Variants in TPST1 observed in about 807,000 individuals in gnomAD.
TPST1 encodes tyrosylprotein sulfotransferase 1, also known as protein-tyrosine sulfotransferase 1.
A neutral mutation model predicts 34.8 loss-of-function variants in TPST1; 20 were observed. That is an observed-to-expected ratio of 0.57 (90% CI 0.40 to 0.84). The LOEUF (loss-of-function observed/expected upper bound fraction) is 0.84. Ranked by LOEUF, TPST1 falls within the 40% of genes least tolerant of loss-of-function variation. TPST1 has a pLI of 0.00. For missense variants in TPST1, 353 were observed against 455.5 expected, an observed-to-expected ratio of 0.78 and a Z score of 2.05; for synonymous variants, 152 against 159.4, an observed-to-expected ratio of 0.95 and a Z score of 0.35.
chr7:66,232,964 G>A (rs1789829759), intron 1 of TPST1, among the ~76,000 whole-genome samples: 1 of 152,134 alleles, frequency 6.6e-6, no homozygotes, highest in South Asian at 2.1e-4. Context: ...TGATGATGTG[G>A]AGCATCTTTT....
chr7:66,222,710 A>C (rs1789570009), intron 1 of TPST1, among the ~76,000 whole-genome samples: 1 of 152,062 alleles, frequency 6.6e-6, no homozygotes. Flanking sequence ...ATGGGGAATG[A>C]TTCTCAGGGG....
At chr7:66,356,387 A>T (rs1189852135) in intron 4 of TPST1, among the ~76,000 whole-genome samples, 1 of 152,172 alleles carries the variant, frequency 6.6e-6, no homozygotes, top group Non-Finnish European at 1.5e-5. Context: ...TTCCACACCC[A>T]GCATTTTTAT....
chr7:66,231,323 A>T (rs1308831889), intron 1 of TPST1, among the ~76,000 whole-genome samples: 1 of 152,232 alleles, frequency 6.6e-6, no homozygotes, highest in Admixed American at 6.5e-5. Flanking sequence ...CCGGGGCTGC[A>T]TGTGGAGCTG....
intron 3 of TPST1, among the ~76,000 whole-genome samples, chr7:66,350,001 G>T (rs1424203171): frequency 6.6e-6 from 1 of 152,026 alleles, no homozygotes; most frequent in African/African-American, 2.4e-5. Flanking sequence ...CCAAGCTGTG[G>T]TGTCAGGGTA....
At chr7:66,237,937 G>GT (rs1156542546) in intron 1 of TPST1, among the ~76,000 whole-genome samples, 1 of 152,120 alleles carries the variant, frequency 6.6e-6, no homozygotes, top group Non-Finnish European at 1.5e-5. Context: ...TTTTATTTCT[G>GT]TAACTGTTAC....
chr7:66,358,550 CAG>C (rs1307634651), intron 5 of TPST1, among the ~76,000 whole-genome samples: 2 of 152,030 alleles, frequency 1.3e-5, no homozygotes, highest in African/African-American at 4.8e-5. Context: ...AGTGAGAAAA[CAG>C]GTTGAATGTG....
At chr7:66,313,570 G>A (rs1468265652) in intron 3 of TPST1, among the ~76,000 whole-genome samples, 1 of 152,136 alleles carries the variant, frequency 6.6e-6, no homozygotes, top group Non-Finnish European at 1.5e-5. Flanking sequence ...GGACCTCTAT[G>A]TCTTGATGCA....
At chr7:66,281,836 C>T (rs961766201) in intron 2 of TPST1, among the ~76,000 whole-genome samples, 2 of 152,158 alleles carry the variant, frequency 1.3e-5, no homozygotes, top group Non-Finnish European at 2.9e-5. Flanking sequence ...AACTGAGTCT[C>T]GTGGAAGATC....
intron 3 of TPST1, among the ~76,000 whole-genome samples, chr7:66,322,906 C>G (rs1562844306): frequency 6.6e-6 from 1 of 151,750 alleles, no homozygotes; most frequent in African/African-American, 2.4e-5. Flanking sequence ...CTCACCAACA[C>G]TTGTTATTTT....
intron 3 of TPST1, among the ~76,000 whole-genome samples, chr7:66,350,261 C>T (rs375484776): frequency 4.6e-4 from 70 of 152,186 alleles, no homozygotes; most frequent in African/African-American, 1.5e-3. Context: ...GTGATCTGCC[C>T]GCCTTCGCCT....
upstream of TPST1, among the ~76,000 whole-genome samples, chr7:66,202,688 C>T (rs1416244459): frequency 6.6e-6 from 1 of 152,240 alleles, no homozygotes; most frequent in Non-Finnish European, 1.5e-5. Context: ...TGTAACTTGG[C>T]CCTTGCTTAA....
rs544906741 is a variant in TPST1 at position 66,309,910 on chromosome 7, A to T, written c.1044+23201A>T. 1.1e-4 allele frequency among the ~76,000 whole-genome samples: 16 copies of T among 149,482 alleles called. 1 individual carries two copies. Among genetic ancestry groups the T allele is most frequent in the African/African-American group, 2.9e-4 (12 of 40,708 alleles). On this transcript the variant is annotated intron_variant, in intron 3 of 5. Coordinates refer to ENST00000304842, the MANE Select transcript of TPST1 (RefSeq NM_003596.4). ...TGCATGGGAGTTATACAATTCTTTTAAAAAAAAAACTCAAATGGCTAGATG... is the reference window on the plus strand; with the variant it reads ...TGCATGGGAGTTATACAATTCTTTTTAAAAAAAAACTCAAATGGCTAGATG...
intron 2 of TPST1, among the ~76,000 whole-genome samples, chr7:66,277,672 G>A (rs188561949): frequency 1.3e-5 from 2 of 152,182 alleles, no homozygotes; most frequent in Admixed American, 1.3e-4. Context: ...ACTATTCTGT[G>A]ATTACTCAGA....
At chr7:66,258,139 G>GTT (rs550525450) in intron 2 of TPST1, among the ~76,000 whole-genome samples, 1 of 150,118 alleles carries the variant, frequency 6.7e-6, no homozygotes, top group Non-Finnish European at 1.5e-5. Flanking sequence ...CTCTATGTCT[G>GTT]TTTTTTTTTA....
intron 3 of TPST1, among the ~76,000 whole-genome samples, chr7:66,316,267 CTT>C (rs1259971679): frequency 3.3e-5 from 5 of 151,996 alleles, no homozygotes; most frequent in African/African-American, 1.2e-4. Flanking sequence ...TCCTTTCTGA[CTT>C]AAATATAATA....
At chr7:66,227,607 T>C (rs1228649050) in intron 1 of TPST1, among the ~76,000 whole-genome samples, 1 of 141,032 alleles carries the variant, frequency 7.1e-6, no homozygotes, top group African/African-American at 2.5e-5. Context: ...GAATAGACTC[T>C]AATGGGCAGC....
At chr7:66,347,613 C>T (rs1248888807) in intron 3 of TPST1, among the ~76,000 whole-genome samples, 2 of 152,172 alleles carry the variant, frequency 1.3e-5, no homozygotes, top group South Asian at 2.1e-4. Context: ...GGTAATGTTA[C>T]TCCACCAGTA....
At chr7:66,326,757 T>G (rs1037695829) in intron 3 of TPST1, among the ~76,000 whole-genome samples, 1 of 152,238 alleles carries the variant, frequency 6.6e-6, no homozygotes, top group Non-Finnish European at 1.5e-5. Context: ...CACTGAACCA[T>G]TTCCTTTACT....
chr7:66,323,707 A>G (rs951453080), intron 3 of TPST1, among the ~76,000 whole-genome samples: 9 of 152,350 alleles, frequency 5.9e-5, no homozygotes, highest in Admixed American at 2.0e-4. Flanking sequence ...ACATCACCCA[A>G]TTAGTAGTTT....
Sources: allele counts gnomAD v4.1 joint callset (sites outside exome capture counted in the v4.1 genomes callset), GRCh38; gene constraint gnomAD v4.1.1; transcripts MANE v1.5; gene names NCBI Gene and HGNC (gene_info 2026-07-23, HGNC 2026-07-21).